Variants in ENTHD1 observed in about 807,000 individuals in gnomAD.
ENTHD1 encodes the protein ENTH domain containing 1, also known as ENTH domain-containing protein 1.
Under a neutral mutation model 39.1 loss-of-function variants are expected in ENTHD1, and 23 were observed. The ratio of observed to expected loss-of-function variants is 0.59; its 90% CI spans 0.42 to 0.83. The LOEUF is 0.83. Among genes scored for constraint, ENTHD1 ranks in the 40% least tolerant of loss-of-function variants. The probability of loss-of-function intolerance (pLI) is 0.00; values close to 1 mark genes in which losing one functional copy is unlikely to be tolerated. For missense variants in ENTHD1, 624 were observed against 705.4 expected, an observed-to-expected ratio of 0.88 and a Z score of 1.31; for synonymous variants, 230 against 258.2, an observed-to-expected ratio of 0.89 and a Z score of 1.05.
At chr22:39,820,171 A>G (rs1262512028) in intron 5 of ENTHD1, among the ~76,000 whole-genome samples, 1 of 152,168 alleles carries the variant, frequency 6.6e-6, no homozygotes, top group Non-Finnish European at 1.5e-5. Flanking sequence ...ATAAACCCAT[A>G]CTAATAAACT....
intron 5 of ENTHD1, among the ~76,000 whole-genome samples, chr22:39,804,753 C>T (rs2065627438): frequency 6.6e-6 from 1 of 152,164 alleles, no homozygotes; most frequent in Non-Finnish European, 1.5e-5. Flanking sequence ...CAAGCACAGG[C>T]TCCTAAAGAT....
At chr22:39,823,508 C>T (rs1359587254) in intron 4 of ENTHD1, among the ~76,000 whole-genome samples, 2 of 151,924 alleles carry the variant, frequency 1.3e-5, no homozygotes, top group Non-Finnish European at 2.9e-5. Flanking sequence ...CCATGCCCGA[C>T]TAAATTTTTT....
chr22:39,799,075 G>C (rs1280924435), intron 5 of ENTHD1, among the ~76,000 whole-genome samples: 1 of 152,190 alleles, frequency 6.6e-6, no homozygotes, highest in African/African-American at 2.4e-5. Context: ...ACGCAGGCTT[G>C]TTCTCAGGCC....
intron 5 of ENTHD1, among the ~76,000 whole-genome samples, chr22:39,790,252 A>G (rs1193073971): frequency 6.6e-6 from 1 of 152,154 alleles, no homozygotes; most frequent in African/African-American, 2.4e-5. Context: ...GGCTCCATGG[A>G]GCACAGGGAG....
rs2066201122 is a variant in ENTHD1 at position 39,867,865 on chromosome 22, A to G, written c.350-5858T>C. Reference sequence around the variant, plus strand: ...CAAAGTATCCCCCTGTTCTATTCCAAATACACAGCAATAATAGACACTGCC... The same window carrying G: ...CAAAGTATCCCCCTGTTCTATTCCAGATACACAGCAATAATAGACACTGCC... On this transcript the variant is annotated intron_variant, in intron 2 of 6. Coordinates refer to ENST00000325157, the MANE Select transcript of ENTHD1 (RefSeq NM_152512.4). The surrounding 1 kb of genome is among the most constrained non-coding windows in gnomAD (Gnocchi z 4.5). 6.6e-6 allele frequency among the ~76,000 whole-genome samples: 1 copy of G among 152,134 alleles called. No homozygotes were observed. Among genetic ancestry groups the G allele is most frequent in the Non-Finnish European group, 1.5e-5 (1 of 68,020 alleles).
chr22:39,757,989 T>A (rs929340710), intron 6 of ENTHD1, among the ~76,000 whole-genome samples: 1 of 152,188 alleles, frequency 6.6e-6, no homozygotes, highest in Non-Finnish European at 1.5e-5. Flanking sequence ...TCCCCAGCCA[T>A]GAGGAACTGT....
chr22:39,745,794 G>A (rs738313), intron 6 of ENTHD1, among the ~76,000 whole-genome samples: 8,915 of 152,286 alleles, frequency 0.059, 364 homozygotes, highest in South Asian at 0.12. Flanking sequence ...CTTAATGATC[G>A]TTTGGTTAAA....
At chr22:39,837,043 C>A (rs1359828461) in intron 3 of ENTHD1, among the ~76,000 whole-genome samples, 1 of 152,164 alleles carries the variant, frequency 6.6e-6, no homozygotes, top group Non-Finnish European at 1.5e-5. Context: ...ACTGATATTT[C>A]TGTTTATATC....
chr22:39,757,303 T>C (rs575113111), intron 6 of ENTHD1, among the ~76,000 whole-genome samples: 8 of 152,298 alleles, frequency 5.3e-5, no homozygotes, highest in African/African-American at 1.7e-4. Context: ...AGGGTCTCAC[T>C]CTGTTGCTCA....
Position 39,762,416 on chromosome 22 carries a change from AT to A in ENTHD1, c.1219+2806del, listed in dbSNP as rs113598684. Among the ~76,000 whole-genome samples the A allele has an allele frequency of 5.7e-3, 819 of 144,488 alleles. 3 individuals are homozygous for A. The highest frequency in any genetic ancestry group is 0.021 in the East Asian group (103 of 5,010). 94.8% of individuals were successfully genotyped at this position (144,488 alleles called of 152,430 possible). A position where few individuals can be genotyped will look rare whatever the true frequency, so the allele number is the denominator to read the frequency against. On this transcript the variant is annotated intron_variant, in intron 6 of 6. Transcript: ENST00000325157. ...TTTTCAGCTCTACAATTTTCATTTG[AT>A]TTTTTTTTTTTTGACACAGGATCTC...
intron 2 of ENTHD1, among the ~76,000 whole-genome samples, chr22:39,864,522 T>C (rs955082464): frequency 1.3e-5 from 2 of 152,210 alleles, no homozygotes; most frequent in African/African-American, 4.8e-5. Context: ...GGTTTACTTA[T>C]TTATTGTTTG....
chr22:39,820,700 C>G (rs1293033707), intron 5 of ENTHD1, among the ~76,000 whole-genome samples: 1 of 151,672 alleles, frequency 6.6e-6, no homozygotes, highest in African/African-American at 2.4e-5. Context: ...AATTTAAATT[C>G]TTTATGAAAA....
At chr22:39,881,422 G>GA (rs1330485562) in intron 2 of ENTHD1, among the ~76,000 whole-genome samples, 1 of 152,152 alleles carries the variant, frequency 6.6e-6, no homozygotes, top group East Asian at 1.9e-4. Context: ...AGAGATTAAG[G>GA]AAAAATGCGT....
chr22:39,893,571 C>T (rs1426756964), intron 1 of ENTHD1, 124 bp downstream of exon 1: 1 of 152,342 alleles, frequency 6.6e-6, no homozygotes, highest in Non-Finnish European at 1.5e-5. Flanking sequence ...TGGTAATGGC[C>T]TCGCCGCCCT....
At chr22:39,884,966 C>T (rs1473263874) in intron 2 of ENTHD1, among the ~76,000 whole-genome samples, 2 of 152,114 alleles carry the variant, frequency 1.3e-5, no homozygotes, top group African/African-American at 4.8e-5. Context: ...TTATATATGA[C>T]ACCTAAAGCA....
At chr22:39,799,308 A>G (rs139099525) in intron 5 of ENTHD1, among the ~76,000 whole-genome samples, 1 of 152,292 alleles carries the variant, frequency 6.6e-6, no homozygotes, top group African/African-American at 2.4e-5. Flanking sequence ...AGGAGCATGC[A>G]CTATGGCTTG....
At chr22:39,840,009 A>C (rs2065932396) in intron 3 of ENTHD1, among the ~76,000 whole-genome samples, 1 of 152,258 alleles carries the variant, frequency 6.6e-6, no homozygotes, top group African/African-American at 2.4e-5. Flanking sequence ...AGTATCAGAT[A>C]GCATAACACT....
At chr22:39,866,206 CA>C (rs1326409507) in intron 2 of ENTHD1, among the ~76,000 whole-genome samples, 1 of 151,950 alleles carries the variant, frequency 6.6e-6, no homozygotes, top group Non-Finnish European at 1.5e-5. Context: ...GGAGTCCTCC[CA>C]AACAAACAAA....
chr22:39,744,190 G>A lies in ENTHD1; in HGVS notation c.1313C>T (p.Ser438Leu). 1 of 1,614,102 alleles carries A rather than the reference G, an allele frequency of 6.2e-7. No individual in the cohort carries two copies. The highest frequency in any genetic ancestry group is 8.5e-7 in the Non-Finnish European group (1 of 1,179,982). Residue 438 changes from serine (S) to leucine (L), a missense_variant, in exon 7 of 7, where the codon TCA (serine) becomes TTA (leucine). Transcript: ENST00000325157. ...GAAGGAAGGTCCGGCCAGAATTGGT[G>A]ATAAGAGATGAGCTGACTTCTCTGG... ...ASPEKSAHLL[S>L]PILAGPSFWT... is the part of the protein sequence containing the mutation.
Sources: allele counts gnomAD v4.1 joint callset (sites outside exome capture counted in the v4.1 genomes callset), GRCh38; gene constraint gnomAD v4.1.1; non-coding constraint Gnocchi (gnomAD v3.1); transcripts MANE v1.5; gene names NCBI Gene and HGNC (gene_info 2026-07-23, HGNC 2026-07-21).